KCNB2: variants seen among roughly 807,000 people sequenced by gnomAD.
KCNB2 encodes delayed rectifier potassium channel protein.
KCNB2 carries 15 observed loss-of-function variants against 61.5 expected under a neutral mutation model. That is an observed-to-expected ratio of 0.24 (90% CI 0.16 to 0.38). The LOEUF is 0.38. KCNB2 is among the 10% of genes least tolerant of loss of function. The probability of loss-of-function intolerance (pLI) is 1.00; values close to 1 mark genes in which losing one functional copy is unlikely to be tolerated. For synonymous variants in KCNB2, 457 were observed against 446.0 expected, an observed-to-expected ratio of 1.02 and a Z score of -0.31; for missense variants, 828 against 1,125.2, an observed-to-expected ratio of 0.74 and a Z score of 3.78.
chr8:72,734,427 CTG>C (rs1432471989), intron 2 of KCNB2, among the ~76,000 whole-genome samples: 2 of 152,168 alleles, frequency 1.3e-5, no homozygotes, highest in African/African-American at 2.4e-5. Context: ...AAGTTACAAA[CTG>C]TTGGATATAA....
chr8:72,762,923 AACAT>A (rs1023074556), intron 2 of KCNB2, among the ~76,000 whole-genome samples: 62 of 148,698 alleles, frequency 4.2e-4, no homozygotes, highest in Admixed American at 2.3e-3. Context: ...AATACTCATA[AACAT>A]ACATACATAC....
At chr8:72,718,502 A>G (rs1226414432) in intron 2 of KCNB2, among the ~76,000 whole-genome samples, 1 of 152,192 alleles carries the variant, frequency 6.6e-6, no homozygotes, top group African/African-American at 2.4e-5. Context: ...TGATGAGTTC[A>G]TCTCTTTTGT....
chr8:72,778,371 G>A (rs1808692672), intron 2 of KCNB2, among the ~76,000 whole-genome samples: 1 of 152,036 alleles, frequency 6.6e-6, no homozygotes, highest in Admixed American at 6.6e-5. Flanking sequence ...CTTGAGGGAG[G>A]GGAAGAAGAT....
chr8:72,540,938 T>A (rs1806180356), intron 1 of KCNB2, among the ~76,000 whole-genome samples: 1 of 151,898 alleles, frequency 6.6e-6, no homozygotes, highest in South Asian at 2.1e-4. Flanking sequence ...AGTGCTTGAA[T>A]AGAATATAAC....
At chr8:72,747,265 A>C (rs1490822292) in intron 2 of KCNB2, among the ~76,000 whole-genome samples, 1 of 152,148 alleles carries the variant, frequency 6.6e-6, no homozygotes, top group Non-Finnish European at 1.5e-5. Flanking sequence ...TAGTTTGAAT[A>C]ATTTCAGCAG....
At chr8:72,687,497 G>A (rs1156386116) in intron 2 of KCNB2, among the ~76,000 whole-genome samples, 1 of 152,090 alleles carries the variant, frequency 6.6e-6, no homozygotes, top group African/African-American at 2.4e-5. Flanking sequence ...GCTTTCTTGG[G>A]GTGGACATGT....
chr8:72,653,751 C>T (rs1806247132), intron 2 of KCNB2, among the ~76,000 whole-genome samples: 1 of 152,164 alleles, frequency 6.6e-6, no homozygotes, highest in Non-Finnish European at 1.5e-5. Flanking sequence ...ATATAGCCCA[C>T]AAAGCCTAAA....
chr8:72,843,801 C>G (rs1483323927), intron 2 of KCNB2, among the ~76,000 whole-genome samples: 1 of 152,140 alleles, frequency 6.6e-6, no homozygotes, highest in Admixed American at 6.5e-5. Context: ...AAATATTCCT[C>G]CATCCCTTTA....
chr8:72,894,843 A>G (rs1198860326), intron 2 of KCNB2, among the ~76,000 whole-genome samples: 1 of 152,208 alleles, frequency 6.6e-6, no homozygotes, highest in Non-Finnish European at 1.5e-5. Flanking sequence ...CCATCTGGAC[A>G]TTCAGTGAGA....
At chr8:72,739,619 A>G (rs774116332) in intron 2 of KCNB2, among the ~76,000 whole-genome samples, 6 of 152,002 alleles carry the variant, frequency 3.9e-5, no homozygotes, top group Non-Finnish European at 8.8e-5. Context: ...GGAAAATTAC[A>G]TATGGTTTGG....
chr8:72,683,837 A>T (rs1186251408), intron 2 of KCNB2, among the ~76,000 whole-genome samples: 2 of 152,188 alleles, frequency 1.3e-5, no homozygotes, highest in Non-Finnish European at 2.9e-5. Context: ...TGGGGCACTT[A>T]GGGAGGAGGA....
chr8:72,627,800 A>G (rs1193093357), intron 2 of KCNB2, among the ~76,000 whole-genome samples: 1 of 152,148 alleles, frequency 6.6e-6, no homozygotes, highest in African/African-American at 2.4e-5. Flanking sequence ...GCCTTTTGAC[A>G]CTCACTTCTG....
chr8:72,888,093 T>TTTGTTG (rs146706652), intron 2 of KCNB2, among the ~76,000 whole-genome samples: 26 of 152,016 alleles, frequency 1.7e-4, no homozygotes, highest in African/African-American at 3.4e-4. Context: ...TGATTGCCAG[T>TTTGTTG]TTGTTGTTGT....
chr8:72,611,578 A>G (rs938279602), intron 2 of KCNB2, among the ~76,000 whole-genome samples: 3 of 152,168 alleles, frequency 2.0e-5, no homozygotes, highest in Non-Finnish European at 2.9e-5. Flanking sequence ...AGGACTGCCC[A>G]TGATCTTTTT....
intron 2 of KCNB2, among the ~76,000 whole-genome samples, chr8:72,809,731 A>G (rs1212109605): frequency 6.6e-6 from 1 of 152,224 alleles, no homozygotes; most frequent in Non-Finnish European, 1.5e-5. Context: ...CAGTAGATTC[A>G]GTATACCATG....
intron 2 of KCNB2, among the ~76,000 whole-genome samples, chr8:72,602,540 C>G (rs758331441): frequency 6.6e-6 from 1 of 152,096 alleles, no homozygotes; most frequent in Non-Finnish European, 1.5e-5. Flanking sequence ...TAGGCAGACT[C>G]TAGTCATTTT....
intron 2 of KCNB2, among the ~76,000 whole-genome samples, chr8:72,621,832 ATTTTGAAAAGTTGTCTCCCAG>A (rs1280431762): frequency 1.3e-5 from 2 of 152,206 alleles, no homozygotes; most frequent in African/African-American, 4.8e-5. Flanking sequence ...TTTGAAGCTG[ATTTTGAAAAGTTGTCTCCCAG>A]TTTAATGTTG....
chr8:72,867,718 G>A (rs553926949), intron 2 of KCNB2, among the ~76,000 whole-genome samples: 1 of 152,212 alleles, frequency 6.6e-6, no homozygotes, highest in Non-Finnish European at 1.5e-5. Context: ...CACACTTCAG[G>A]TTAGTTATTA....
At chr8:72,719,403 A>G (rs557474736) in intron 2 of KCNB2, among the ~76,000 whole-genome samples, 2 of 152,306 alleles carry the variant, frequency 1.3e-5, no homozygotes, top group South Asian at 2.1e-4. Flanking sequence ...TACTTTGTCT[A>G]TCTTTTAATG....
Sources: gnomAD v4.1 joint callset for allele counts (sites outside exome capture counted in the v4.1 genomes callset) on GRCh38, gnomAD v4.1.1 for gene constraint, MANE v1.5 for transcripts, NCBI Gene and HGNC (gene_info 2026-07-23, HGNC 2026-07-21) for gene names.